The following MREG variants were observed in gnomAD, a reference collection of about 807,000 sequenced individuals.
MREG encodes melanoregulin, also known as dilute suppressor protein homolog.
Under a neutral mutation model 28.5 loss-of-function variants are expected in MREG, and 31 were observed. The observed-to-expected ratio is 1.09, with a 90% CI of 0.82 to 1.47. The LOEUF is 1.47. Among genes scored for constraint, MREG ranks in the 40% most tolerant of loss-of-function variants. The pLI, the probability that MREG is intolerant of heterozygous loss-of-function variation, is 0.00. For synonymous variants in MREG, 106 were observed against 95.2 expected, an observed-to-expected ratio of 1.11 and a Z score of -0.66; for missense variants, 256 against 257.4, an observed-to-expected ratio of 0.99 and a Z score of 0.04.
chr2:215,957,644 G>T (rs1280377775), intron 2 of MREG, among the ~76,000 whole-genome samples: 2 of 152,062 alleles, frequency 1.3e-5, no homozygotes, highest in Non-Finnish European at 2.9e-5. Context: ...ATACTTTTCT[G>T]AAAGGAGGTT....
rs533072538 is a variant in MREG, at chr2:215,962,659, T to C, written c.256-15546A>G. 3.9e-5 allele frequency among the ~76,000 whole-genome samples: 6 copies of C among 152,214 alleles called. No homozygotes were observed. In the South Asian group the frequency reaches 1.0e-3, roughly 26 times the overall value. On this transcript the variant is annotated intron_variant, in intron 2 of 4. Coordinates refer to ENST00000263268, the MANE Select transcript of MREG (RefSeq NM_018000.3). ...CTTCTTCAAAGTCGTGACCCAAATTTAGACTGAACTCTGAATCCAGAGTAG... is the reference window on the plus strand; with the variant it reads ...CTTCTTCAAAGTCGTGACCCAAATTCAGACTGAACTCTGAATCCAGAGTAG...
intron 2 of MREG, among the ~76,000 whole-genome samples, chr2:215,967,171 C>G (rs1415534550): frequency 6.6e-6 from 1 of 152,212 alleles, no homozygotes; most frequent in East Asian, 1.9e-4. Flanking sequence ...AAGCCAGTCA[C>G]GAAGCTGCCT....
chr2:215,989,902 T>C (rs1173494311), intron 2 of MREG, among the ~76,000 whole-genome samples: 1 of 151,816 alleles, frequency 6.6e-6, no homozygotes, highest in Non-Finnish European at 1.5e-5. Context: ...TATGTGAAAA[T>C]ACCAAATCTA....
intron 2 of MREG, among the ~76,000 whole-genome samples, chr2:215,993,606 A>T (rs1257423867): frequency 4.6e-5 from 7 of 152,234 alleles, no homozygotes; most frequent in African/African-American, 1.7e-4. Flanking sequence ...CAGCAAAAGA[A>T]ACTATCACCA....
chr2:215,941,133 G>A (rs906222877), downstream of MREG, among the ~76,000 whole-genome samples: 5 of 151,790 alleles, frequency 3.3e-5, no homozygotes, highest in African/African-American at 1.2e-4. Context: ...TTATGATAAG[G>A]CTCAACATTC....
intron 2 of MREG, among the ~76,000 whole-genome samples, chr2:215,976,700 C>T (rs183668575): frequency 6.6e-6 from 1 of 152,278 alleles, no homozygotes; most frequent in East Asian, 1.9e-4. Context: ...ACTCTACAAG[C>T]CAGAAGAGAG....
chr2:215,990,213 C>G (rs1369155239), intron 2 of MREG, among the ~76,000 whole-genome samples: 1 of 152,206 alleles, frequency 6.6e-6, no homozygotes, highest in Non-Finnish European at 1.5e-5. Flanking sequence ...AGAAACCCCA[C>G]AAGCCAGAAG....
intron 2 of MREG, among the ~76,000 whole-genome samples, chr2:215,989,987 C>G (rs1693679960): frequency 6.6e-6 from 1 of 152,042 alleles, no homozygotes; most frequent in African/African-American, 2.4e-5. Context: ...ATATTATCCA[C>G]AAGAACTTCT....
Position 215,960,865 on chromosome 2 carries a change from T to G in MREG, c.256-13752A>C, listed in dbSNP as rs1692764469. ...ATAAAAAATAATAATAAAATAAAAT[T>G]AAAAAAGCACCTGGGCCTGGACGGT... On this transcript the variant is annotated intron_variant, in intron 2 of 4. Coordinates refer to ENST00000263268, the MANE Select transcript of MREG (RefSeq NM_018000.3). Among the ~76,000 whole-genome samples the G allele has an allele frequency of 2.6e-5, 4 of 151,714 alleles. No homozygotes were observed. The South Asian group carries it at 8.4e-4, about 32-fold the overall frequency.
At chr2:215,949,388 C>T (rs1212026590) in intron 2 of MREG, among the ~76,000 whole-genome samples, 2 of 151,068 alleles carry the variant, frequency 1.3e-5, no homozygotes, top group African/African-American at 4.9e-5. Context: ...GGTGAAACCC[C>T]GTCTCTACTA....
At chr2:216,025,750 C>T (rs768400499) in intron 1 of MREG, among the ~76,000 whole-genome samples, 41 of 152,360 alleles carry the variant, frequency 2.7e-4, no homozygotes, top group Admixed American at 9.8e-4. Context: ...CCAGCAGCTC[C>T]TTCCTTCCGG....
At chr2:216,024,471 G>A (rs749869398) in intron 1 of MREG, among the ~76,000 whole-genome samples, 2 of 151,582 alleles carry the variant, frequency 1.3e-5, no homozygotes, top group Admixed American at 6.6e-5. Context: ...AGGACGCCCC[G>A]TGCCCTCTCT....
chr2:216,000,274 C>T (rs940250939), intron 1 of MREG, among the ~76,000 whole-genome samples: 10 of 152,066 alleles, frequency 6.6e-5, no homozygotes, highest in Non-Finnish European at 1.2e-4. Context: ...ACATGAGTTC[C>T]TGGGTGGGGA....
At chr2:215,989,565 G>C (rs1205428066) in intron 2 of MREG, among the ~76,000 whole-genome samples, 2 of 152,092 alleles carry the variant, frequency 1.3e-5, no homozygotes, top group Admixed American at 6.5e-5. Context: ...GACAGACGTA[G>C]ACCTCAGAAA....
At chr2:215,962,775 C>A (rs183792393) in intron 2 of MREG, among the ~76,000 whole-genome samples, 2 of 150,828 alleles carry the variant, frequency 1.3e-5, no homozygotes, top group Non-Finnish European at 2.9e-5. Flanking sequence ...CTACTGAGCA[C>A]CTCAACGTAG....
At chr2:215,968,513 G>A (rs1693005628) in intron 2 of MREG, among the ~76,000 whole-genome samples, 1 of 152,094 alleles carries the variant, frequency 6.6e-6, no homozygotes, top group Non-Finnish European at 1.5e-5. Flanking sequence ...TAGTTCGAAA[G>A]TGATTTTCAT....
At position 216,013,417 on chromosome 2, in the gene MREG, G is replaced by A; in HGVS notation, c.-90C>T. ...GCTGGGGCGCGGCCACCGCGCCAGC[G>A]TCCAGGTGCGGGGACAGCGGCAGCC... On this transcript the variant is annotated 5_prime_UTR_variant, in exon 1 of 5. It adds an upstream start codon to the 5' untranslated region. Transcript: ENST00000263268. 7.6e-6 allele frequency: 7 copies of A among 924,246 alleles called. No homozygotes were observed. The highest frequency in any genetic ancestry group is 1.0e-5 in the Non-Finnish European group (7 of 698,590). 57.3% of individuals were successfully genotyped at this position (924,246 alleles called of 1,614,324 possible). A position where few individuals can be genotyped will look rare whatever the true frequency, so the allele number is the denominator to read the frequency against.
downstream of MREG, among the ~76,000 whole-genome samples, chr2:215,939,865 CAT>C (rs1247992765): frequency 2.0e-5 from 3 of 152,066 alleles, no homozygotes; most frequent in African/African-American, 7.2e-5. Flanking sequence ...ATTCACACTA[CAT>C]GTTTAAAAAT....
rs1692344798 is a variant in MREG, at chr2:215,947,108, C to T, written c.261G>A (p.Trp87Ter). Residue 87 changes from tryptophan to a stop codon, truncating the protein, a stop_gained, in exon 3 of 5, where the codon TGG becomes TGA. Coordinates refer to ENST00000263268, the MANE Select transcript of MREG (RefSeq NM_018000.3). LOFTEE classifies it high-confidence loss of function. ...RNQQAKDSEEWQKLNYDIHTL... is the reference protein window; with the variant it reads ...RNQQAKDSEE Reference sequence around the variant, plus strand: ...TATGGATATCATAGTTGAGCTTCTGCCACTCCTGCAGGAAAATAAAAGTTT... The same window carrying T: ...TATGGATATCATAGTTGAGCTTCTGTCACTCCTGCAGGAAAATAAAAGTTT... 1.2e-6 allele frequency: 2 copies of T among 1,609,834 alleles called. No homozygotes were observed. Among genetic ancestry groups the T allele is most frequent in the Non-Finnish European group, 1.7e-6 (2 of 1,176,788 alleles).
Sources: allele counts gnomAD v4.1 joint callset (sites outside exome capture counted in the v4.1 genomes callset), GRCh38; gene constraint gnomAD v4.1.1; transcripts MANE v1.5; gene names NCBI Gene and HGNC (gene_info 2026-07-23, HGNC 2026-07-21).